PLD5: variants seen among roughly 807,000 people sequenced by gnomAD.
PLD5 encodes inactive phospholipase D5.
In PLD5, 36 loss-of-function variants were observed where a neutral mutation model predicts 61.1. The ratio of observed to expected loss-of-function variants is 0.59; its 90% CI spans 0.45 to 0.78. The LOEUF is 0.78. PLD5 is among the 30% of genes least tolerant of loss of function. PLD5 has a pLI of 0.00. For missense variants in PLD5, 515 were observed against 644.4 expected, an observed-to-expected ratio of 0.80 and a Z score of 2.17; for synonymous variants, 243 against 242.8, an observed-to-expected ratio of 1.00 and a Z score of -0.01.
At chr1:242,274,871 A>G (rs193254286) in intron 3 of PLD5, among the ~76,000 whole-genome samples, 43 of 152,336 alleles carry the variant, frequency 2.8e-4, no homozygotes, top group Admixed American at 2.4e-3. Flanking sequence ...AAAGAGACTG[A>G]AAAACATTTA....
chr1:242,149,943 G>C (rs1039601904), intron 5 of PLD5, among the ~76,000 whole-genome samples: 2 of 151,498 alleles, frequency 1.3e-5, no homozygotes, highest in Non-Finnish European at 3.0e-5. Flanking sequence ...TTTTATTATT[G>C]AGACCTTCAT....
chr1:242,452,919 GAA>G (rs1666833851), intron 1 of PLD5, among the ~76,000 whole-genome samples: 1 of 151,994 alleles, frequency 6.6e-6, no homozygotes, highest in Non-Finnish European at 1.5e-5. Flanking sequence ...GTACAACAGT[GAA>G]AAGTCTGAGA....
intron 5 of PLD5, among the ~76,000 whole-genome samples, chr1:242,173,486 T>A (rs1666900552): frequency 6.6e-6 from 1 of 152,174 alleles, no homozygotes; most frequent in African/African-American, 2.4e-5. Context: ...CAAGGTAATT[T>A]ATAGATTCAA....
At chr1:242,247,946 T>C in intron 4 of PLD5, among the ~76,000 whole-genome samples, 1 of 152,130 alleles carries the variant, frequency 6.6e-6, no homozygotes, top group East Asian at 1.9e-4. Flanking sequence ...CAGAATCTCT[T>C]CCCAACTGAG....
At chr1:242,516,588 CTT>C (rs1419763953) in intron 1 of PLD5, among the ~76,000 whole-genome samples, 1 of 152,142 alleles carries the variant, frequency 6.6e-6, no homozygotes, top group Non-Finnish European at 1.5e-5. Flanking sequence ...AAGATTATCT[CTT>C]TCCCACTGCA....
intron 1 of PLD5, among the ~76,000 whole-genome samples, chr1:242,380,033 G>A (rs554609162): frequency 1.3e-5 from 2 of 152,298 alleles, no homozygotes; most frequent in Non-Finnish European, 2.9e-5. Flanking sequence ...AAGAACAAGT[G>A]TATTATCTGT....
At chr1:242,157,062 T>C (rs1413163637) in intron 5 of PLD5, among the ~76,000 whole-genome samples, 1 of 152,210 alleles carries the variant, frequency 6.6e-6, no homozygotes, top group East Asian at 1.9e-4. Context: ...CCTTTCATTC[T>C]TTTTTCTGTA....
At chr1:242,467,639 T>C (rs1371919642) in intron 1 of PLD5, among the ~76,000 whole-genome samples, 4 of 152,178 alleles carry the variant, frequency 2.6e-5, no homozygotes, top group Non-Finnish European at 5.9e-5. Context: ...TTCATTAACT[T>C]GACCTCTCAA....
intron 7 of PLD5, among the ~76,000 whole-genome samples, chr1:242,109,371 G>A (rs1174653507): frequency 4.6e-5 from 7 of 152,128 alleles, no homozygotes; most frequent in African/African-American, 1.4e-4. Flanking sequence ...CCAGCTACTC[G>A]GGAGGCTGAG....
At chr1:242,468,808 C>T (rs1667355088) in intron 1 of PLD5, among the ~76,000 whole-genome samples, 1 of 152,062 alleles carries the variant, frequency 6.6e-6, no homozygotes, top group Non-Finnish European at 1.5e-5. Context: ...CCACAGCAAA[C>T]ACTTCCATAA....
Position 242,215,079 on chromosome 1 carries a change from G to GGGGT in PLD5, c.735+4905_735+4908dup, listed in dbSNP as rs1439670360. ...TTTTTTTTGTATTTTTAGTAGAGAC[G>GGGGT]GGGTTTCACCGTGTTAACCAGAATG... On this transcript the variant is annotated intron_variant, in intron 5 of 9. Coordinates refer to ENST00000536534, the MANE Select transcript of PLD5 (RefSeq NM_001372062.1). Among the ~76,000 whole-genome samples, 21 of 147,612 alleles carry GGGGT rather than the reference G, an allele frequency of 1.4e-4. No homozygotes were observed. The Admixed American group carries it at 1.4e-3, about 10-fold the overall frequency.
At chr1:242,128,756 G>GATGT (rs577212060) in intron 5 of PLD5, among the ~76,000 whole-genome samples, 13 of 152,220 alleles carry the variant, frequency 8.5e-5, no homozygotes, top group Non-Finnish European at 1.8e-4. Context: ...GCCTAGTTAG[G>GATGT]ATGTAGCAAG....
intron 1 of PLD5, among the ~76,000 whole-genome samples, chr1:242,467,743 G>A (rs1667322051): frequency 1.3e-5 from 2 of 152,178 alleles, no homozygotes; most frequent in Admixed American, 6.5e-5. Flanking sequence ...CAGGTGGTGT[G>A]TGTGCATGGG....
intron 1 of PLD5, among the ~76,000 whole-genome samples, chr1:242,506,840 C>A (rs369920091): frequency 6.6e-6 from 1 of 152,294 alleles, no homozygotes; most frequent in Non-Finnish European, 1.5e-5. Flanking sequence ...AGCTTCCAAG[C>A]GGATGTGCGG....
At position 242,100,786 on chromosome 1, in the gene PLD5, T is replaced by TAAAA; in HGVS notation, c.1240-5_1240-4insTTTT. On this transcript the variant is annotated splice_polypyrimidine_tract_variant and splice_region_variant and intron_variant, in intron 8 of 9. Coordinates refer to ENST00000536534, the MANE Select transcript of PLD5 (RefSeq NM_001372062.1). ...CTCTTTCCAGATCAAAAAATTTCTG[T>TAAAA]AAGAAAAAAAAAAAGGGGGCAGGTA... 3 of 1,579,918 alleles carry TAAAA rather than the reference T, an allele frequency of 1.9e-6. No individual in the cohort carries two copies. The highest frequency in any genetic ancestry group is 2.6e-6 in the Non-Finnish European group (3 of 1,163,342).
At chr1:242,312,205 GATTT>G (rs983284551) in intron 2 of PLD5, among the ~76,000 whole-genome samples, 1 of 150,796 alleles carries the variant, frequency 6.6e-6, no homozygotes. Flanking sequence ...AGCTTTTGAA[GATTT>G]ATTTTGTTCC....
intron 3 of PLD5, among the ~76,000 whole-genome samples, chr1:242,266,691 G>A (rs1673695365): frequency 6.6e-6 from 1 of 152,260 alleles, no homozygotes; most frequent in Admixed American, 6.5e-5. Context: ...TGGCCCCACA[G>A]TGGCAAGGTC....
chr1:242,223,598 T>G (rs1283481196), intron 4 of PLD5, among the ~76,000 whole-genome samples: 1 of 152,206 alleles, frequency 6.6e-6, no homozygotes, highest in Non-Finnish European at 1.5e-5. Context: ...CCAAGATAGC[T>G]ATGTTACAAC....
At chr1:242,214,316 C>G (rs1378846335) in intron 5 of PLD5, among the ~76,000 whole-genome samples, 1 of 152,134 alleles carries the variant, frequency 6.6e-6, no homozygotes, top group Non-Finnish European at 1.5e-5. Context: ...AGAATTTTTC[C>G]ACTTAGCCCA....
Sources: allele counts gnomAD v4.1 joint callset (sites outside exome capture counted in the v4.1 genomes callset), GRCh38; gene constraint gnomAD v4.1.1; transcripts MANE v1.5; gene names NCBI Gene and HGNC (gene_info 2026-07-23, HGNC 2026-07-21).